The following PCDHGA6 variants were observed in gnomAD, a reference collection of about 807,000 sequenced individuals.
PCDHGA6 encodes protocadherin gamma subfamily A, 6.
In PCDHGA6, 41 loss-of-function variants were observed where a neutral mutation model predicts 60.6. That is an observed-to-expected ratio of 0.68 (90% CI 0.53 to 0.88). The LOEUF (loss-of-function observed/expected upper bound fraction) is 0.88. Among genes scored for constraint, PCDHGA6 ranks in the 40% least tolerant of loss-of-function variants. The pLI, the probability that PCDHGA6 is intolerant of heterozygous loss-of-function variation, is 0.00. For synonymous variants in PCDHGA6, 594 were observed against 524.4 expected, an observed-to-expected ratio of 1.13 and a Z score of -1.81; for missense variants, 1,312 against 1,203.0, an observed-to-expected ratio of 1.09 and a Z score of -1.34.
chr5:141,448,044 C>T (rs2098559539), intron 1 of PCDHGA6, among the ~76,000 whole-genome samples: 1 of 151,942 alleles, frequency 6.6e-6, no homozygotes, highest in African/African-American at 2.4e-5. Context: ...CAAGATCATG[C>T]CATTGCTCTC....
chr5:141,465,893 C>T (rs926928579), intron 1 of PCDHGA6, among the ~76,000 whole-genome samples: 23 of 152,078 alleles, frequency 1.5e-4, no homozygotes, highest in Middle Eastern at 3.4e-3. Context: ...GAGGCCGAGG[C>T]GGGCAAATCA....
At chr5:141,393,289 AC>A in intron 1 of PCDHGA6, 2 of 1,613,936 alleles carry the variant, frequency 1.2e-6, no homozygotes, top group Non-Finnish European at 1.7e-6. Flanking sequence ...GAAGCTGTTG[AC>A]CCGGATGTGG....
intron 1 of PCDHGA6, among the ~76,000 whole-genome samples, chr5:141,380,521 A>G (rs1183307813): frequency 1.3e-5 from 2 of 152,218 alleles, no homozygotes; most frequent in South Asian, 4.1e-4. Flanking sequence ...TAAACTATGA[A>G]ATGATTTCAA....
intron 1 of PCDHGA6, chr5:141,430,838 G>C (rs866767896): frequency 1.3e-6 from 2 of 1,563,026 alleles, no homozygotes; most frequent in Middle Eastern, 1.7e-4. Context: ...GTGGGAGACC[G>C]GATGCACCCA....
rs776773140 is a variant in PCDHGA6, at chr5:141,476,589, G to A, written c.2425-18218G>A. 5 of 1,614,246 alleles carry A rather than the reference G, an allele frequency of 3.1e-6. No individual in the cohort carries two copies. Among genetic ancestry groups the A allele is most frequent in the Non-Finnish European group, 4.2e-6 (5 of 1,180,046 alleles). On this transcript the variant is annotated intron_variant, in intron 1 of 3. Coordinates refer to ENST00000517434, the MANE Select transcript of PCDHGA6 (RefSeq NM_018919.3). This position sits in a 1 kb window ranked among gnomAD's most constrained non-coding sequence, Gnocchi z 7.6. ...CCGGGGACGCGCTTTCCGCTCGAGA[G>A]CGCGCACGATCCCGATGTGGGAAGC...
intron 1 of PCDHGA6, chr5:141,419,490 C>G (rs2096390495): frequency 8.1e-6 from 13 of 1,612,414 alleles, no homozygotes; most frequent in Non-Finnish European, 1.1e-5. Context: ...GCGCTCAGCG[C>G]CAATGTGAGC....
Position 141,476,696 on chromosome 5 carries a change from G to T in PCDHGA6, c.2425-18111G>T, listed in dbSNP as rs750429892. ...GACGCGGGAGGACAGCACCAAGTAC[G>T]CGGAGCTGGTGTTGGAGCGCGCCCT... On this transcript the variant is annotated intron_variant, in intron 1 of 3. Transcript: ENST00000517434. This position sits in a 1 kb window ranked among gnomAD's most constrained non-coding sequence, Gnocchi z 7.6. 3 of 1,614,102 alleles carry T rather than the reference G, an allele frequency of 1.9e-6. No individual in the cohort carries two copies. The highest frequency in any genetic ancestry group is 2.5e-6 in the Non-Finnish European group (3 of 1,180,050).
At chr5:141,465,978 C>T (rs568961720) in intron 1 of PCDHGA6, among the ~76,000 whole-genome samples, 7 of 151,998 alleles carry the variant, frequency 4.6e-5, no homozygotes, top group South Asian at 2.1e-4. Context: ...AAAAATTAGC[C>T]GGGCATGGTG....
At chr5:141,482,382 T>C (rs935517099) in intron 1 of PCDHGA6, among the ~76,000 whole-genome samples, 1 of 152,146 alleles carries the variant, frequency 6.6e-6, no homozygotes, top group Admixed American at 6.6e-5. Context: ...ATAAAGTCCC[T>C]GTATGGAGCA....
In PCDHGA6 at chr5:141,375,727, G is replaced by T. The variant is rs1771811677; in HGVS notation, c.1644G>T (p.Leu548=). Residue 548 remains leucine (L), a synonymous_variant, in exon 1 of 4, where the codon CTG becomes CTT. Coordinates refer to ENST00000517434, the MANE Select transcript of PCDHGA6 (RefSeq NM_018919.3). ...CGCCTCTTAGCAGCAACGTGTCACT[G>T]AGCCTGTTTGTGCTGGACCAGAATG... ...GDPPLSSNVS[L]SLFVLDQNDN... 1 of 1,614,262 alleles carries T rather than the reference G, an allele frequency of 6.2e-7. No homozygotes were observed. Among genetic ancestry groups the T allele is most frequent in the East Asian group, 2.2e-5 (1 of 44,880 alleles).
chr5:141,398,197 T>G lies in PCDHGA6; in HGVS notation c.2424+21690T>G, dbSNP rs1317220760. On this transcript the variant is annotated intron_variant, in intron 1 of 3. Transcript: ENST00000517434. Reference sequence around the variant, plus strand: ...AGTGCTCTTTCTCTTCCTGCTGTCTTTGTTCTGCCCGGCGCTCTGTGAGCA... The same window carrying G: ...AGTGCTCTTTCTCTTCCTGCTGTCTGTGTTCTGCCCGGCGCTCTGTGAGCA... 2.7e-6 allele frequency: 4 copies of G among 1,492,294 alleles called. No homozygotes were observed. The African/African-American group carries it at 4.2e-5, about 16-fold the overall frequency. The allele number at this position is 1,492,294 out of a possible 1,614,324, so 92.4% of individuals were successfully genotyped here.
chr5:141,404,849 C>G, intron 1 of PCDHGA6: 1 of 1,613,862 alleles, frequency 6.2e-7, no homozygotes, highest in Non-Finnish European at 8.5e-7. Context: ...TCGGGCCCTG[C>G]TAGATAGAGA....
Position 141,487,295 on chromosome 5 carries a change from T to C in PCDHGA6, c.2425-7512T>C, listed in dbSNP as rs2099642474. The C allele has an allele frequency of 5.6e-6, 9 of 1,614,164 alleles. No individual in the cohort carries two copies. In the East Asian group the frequency reaches 1.3e-4, roughly 24 times the overall value. ...AATTTGCTTTGTCTCCTTTGGCTCA[T>C]TCGTGGCACTACTCTCTAAGTGTCT... On this transcript the variant is annotated intron_variant, in intron 1 of 3. Transcript: ENST00000517434. This position sits in a 1 kb window ranked among gnomAD's most constrained non-coding sequence, Gnocchi z 5.0.
At chr5:141,423,660 G>A (rs765304048) in intron 1 of PCDHGA6, 1 of 1,560,482 alleles carries the variant, frequency 6.4e-7, no homozygotes, top group Admixed American at 1.9e-5. Flanking sequence ...CAAGTAATCA[G>A]GTGAGATTTA....
At chr5:141,496,693 C>T (rs2099770546) in intron 2 of PCDHGA6, among the ~76,000 whole-genome samples, 1 of 152,164 alleles carries the variant, frequency 6.6e-6, no homozygotes, top group South Asian at 2.1e-4. Context: ...CCTTGCCAAC[C>T]TTCTCATAAG....
At chr5:141,459,263 C>T (rs2098964603) in intron 1 of PCDHGA6, among the ~76,000 whole-genome samples, 1 of 152,176 alleles carries the variant, frequency 6.6e-6, no homozygotes, top group South Asian at 2.1e-4. Flanking sequence ...ATTAGTGTTG[C>T]CTCTTTCAGA....
chr5:141,474,153 A>G (rs1424442765), intron 1 of PCDHGA6, among the ~76,000 whole-genome samples: 3 of 152,254 alleles, frequency 2.0e-5, no homozygotes, highest in Non-Finnish European at 4.4e-5. Flanking sequence ...TATCAAGAAA[A>G]TGACAGGCCT....
At chr5:141,399,798 G>C in intron 1 of PCDHGA6, 1 of 1,613,236 alleles carries the variant, frequency 6.2e-7, no homozygotes, top group Non-Finnish European at 8.5e-7. Flanking sequence ...ACGCACCGCG[G>C]GTGCTGTACC....
At position 141,413,202 on chromosome 5, in the gene PCDHGA6, GGAATC is replaced by G. The variant is rs766359797; in HGVS notation, c.2424+36696_2424+36700del. 6.8e-6 allele frequency: 11 copies of G among 1,611,944 alleles called. No homozygotes were observed. The East Asian group carries it at 2.2e-4, about 33-fold the overall frequency. On this transcript the variant is annotated intron_variant, in intron 1 of 3. Coordinates refer to ENST00000517434, the MANE Select transcript of PCDHGA6 (RefSeq NM_018919.3). ...TGGCCGCTCAAAGGAATCGCTCAAAGGAATCAAAGGATTGCAGCGGGCTGGTCCTG... is the reference window on the plus strand; with the variant it reads ...TGGCCGCTCAAAGGAATCGCTCAAAGAAAGGATTGCAGCGGGCTGGTCCTG...
Sources: gnomAD v4.1 joint callset for allele counts (sites outside exome capture counted in the v4.1 genomes callset) on GRCh38, gnomAD v4.1.1 for gene constraint, Gnocchi (gnomAD v3.1) non-coding constraint, MANE v1.5 for transcripts, NCBI Gene and HGNC (gene_info 2026-07-23, HGNC 2026-07-21) for gene names.